HIP1R: variants seen among roughly 807,000 people sequenced by gnomAD.
HIP1R encodes the protein huntingtin interacting protein 1 related, also known as huntingtin-interacting protein 1-related protein.
HIP1R carries 135 observed loss-of-function variants against 144.2 expected under a neutral mutation model. The observed-to-expected ratio is 0.94, with a 90% confidence interval of 0.81 to 1.08. The LOEUF (loss-of-function observed/expected upper bound fraction) is 1.08. Among genes scored for constraint, HIP1R ranks in the 50% least tolerant of loss-of-function variants. HIP1R has a pLI of 0.00. For missense variants in HIP1R, 1,462 were observed against 1,432.8 expected (o/e 1.02, Z -0.33); for synonymous variants, 698 against 612.8 (o/e 1.14, Z -2.05).
chr12:122,849,350 G>T (rs888611971), intron 4 of HIP1R, among the ~76,000 whole-genome samples: 5 of 152,276 alleles, frequency 3.3e-5, no homozygotes, highest in Admixed American at 3.3e-4. Context: ...GCACTGTGGG[G>T]TGCTCGTCTG....
chr12:122,858,969 G>A (rs2033679573), intron 21 of HIP1R, 24 bp downstream of exon 21: 1 of 1,612,078 alleles, frequency 6.2e-7, no homozygotes, highest in South Asian at 1.1e-5. Flanking sequence ...GGGATGGCAG[G>A]TTCTGTCCAC....
Position 122,849,897 on chromosome 12 carries a change from G to C in HIP1R, c.380G>C (p.Gly127Ala), listed in dbSNP as rs2033323673. Residue 127 changes from glycine to alanine, a missense_variant, in exon 5 of 32, where the codon GGA (glycine) becomes GCA (alanine). By Grantham distance (60) the Gly-to-Ala change is moderately conservative (BLOSUM62 0). Around this residue, in one of 2 missense-constraint regions of HIP1R, gnomAD observed 350 missense variants for 421.1 expected, o/e 0.83. Coordinates refer to ENST00000253083, the MANE Select transcript of HIP1R (RefSeq NM_003959.3). ...CAGGGACATTTGCATGACCGCTACG[G>C]ACAGCTGGTGAATGTCTACACCAAG... is the stretch of plus-strand genomic sequence containing the variant. ...DLWGHLHDRY[G>A]QLVNVYTKLL... is the part of the protein sequence containing the mutation. 2 of 1,613,552 alleles carry C rather than the reference G, an allele frequency of 1.2e-6. No individual in the cohort carries two copies.
intron 12 of HIP1R, 23 bp downstream of exon 12, chr12:122,855,635 G>C (rs1593882029): frequency 6.5e-7 from 1 of 1,549,526 alleles, no homozygotes; most frequent in Non-Finnish European, 8.7e-7. Context: ...GGAGCCGACT[G>C]GGCTGGGGGT....
chr12:122,848,372 C>T (rs938786398), intron 2 of HIP1R, 94 bp from the exon 3 acceptor site: 29 of 1,462,872 alleles, frequency 2.0e-5, no homozygotes, highest in Middle Eastern at 1.9e-4. Flanking sequence ...GATTGGGGGC[C>T]GGCCCTCTTC....
chr12:122,859,384 G>GT (rs776080906), intron 22 of HIP1R, 42 bp from the exon 23 acceptor site: 2 of 1,565,348 alleles, frequency 1.3e-6, no homozygotes, highest in South Asian at 1.1e-5. Context: ...GTGGGACGGG[G>GT]GGGGACGGAG....
At position 122,859,846 on chromosome 12, in the gene HIP1R, G is replaced by A; in HGVS notation, c.2465+16G>A. 6.2e-7 allele frequency: 1 copy of A among 1,610,682 alleles called. No individual in the cohort carries two copies. The highest frequency in any genetic ancestry group is 1.1e-5 in the South Asian group (1 of 90,760). On this transcript the variant is annotated intron_variant, in intron 24 of 31. Coordinates refer to ENST00000253083, the MANE Select transcript of HIP1R (RefSeq NM_003959.3). ...TGAACGAGAGGTGAGCCCCCCTTCT[G>A]TCCCCCCAGGCCCAGCCGAGGTGGG...
rs1400069644 is a variant in HIP1R at position 122,835,469 on chromosome 12, C to T, written c.-82C>T. The T allele has an allele frequency of 8.5e-7, 1 of 1,175,094 alleles. No homozygotes were observed. Among genetic ancestry groups the T allele is most frequent in the Non-Finnish European group, 1.1e-6 (1 of 951,096 alleles). The allele number at this position is 1,175,094 out of a possible 1,614,324, so 72.8% of individuals were successfully genotyped here. On this transcript the variant is annotated 5_prime_UTR_variant, in exon 1 of 32. Coordinates refer to ENST00000253083, the MANE Select transcript of HIP1R (RefSeq NM_003959.3). ...GCCCGGGCGCGGCGCGGTGGCCTCG[C>T]GGTGCCTAGGCTGGGGCTGCCGGAC... is the stretch of plus-strand genomic sequence containing the variant.
In HIP1R at chr12:122,835,471, G is replaced by GT. The variant is rs2032853823; in HGVS notation, c.-79dup. On this transcript the variant is annotated 5_prime_UTR_variant, in exon 1 of 32. Transcript: ENST00000253083. The stretch of plus-strand genomic sequence containing the variant: ...CCGGGCGCGGCGCGGTGGCCTCGCG[G>GT]TGCCTAGGCTGGGGCTGCCGGACCG... 1 of 1,183,294 alleles carries GT rather than the reference G, an allele frequency of 8.5e-7. No homozygotes were observed. 73.3% of individuals were successfully genotyped at this position (1,183,294 alleles called of 1,614,324 possible).
At chr12:122,855,773 C>T in intron 12 of HIP1R, 58 bp from the exon 13 acceptor site, 6 of 1,534,546 alleles carry the variant, frequency 3.9e-6, no homozygotes, top group Non-Finnish European at 5.3e-6. Context: ...GGTTCCTGTG[C>T]TGGGTCTGTT....
In HIP1R at chr12:122,861,057, A is replaced by G. The variant is rs761507760; in HGVS notation, c.2890+18A>G. 8 of 1,613,412 alleles carry G rather than the reference A, an allele frequency of 5.0e-6. No individual in the cohort carries two copies. Among genetic ancestry groups the G allele is most frequent in the Middle Eastern group, 1.6e-4 (1 of 6,084 alleles). On this transcript the variant is annotated intron_variant, in intron 29 of 31. Transcript: ENST00000253083. ...GGACAGAGGTGAGTGCCAGATGCCA[A>G]CGGGGGCTGCTGGCTCCCGAGGCTG... is the stretch of plus-strand genomic sequence containing the variant.
At chr12:122,847,990 GC>G (rs919966750) in intron 1 of HIP1R, 40 bp from the exon 2 acceptor site, 25 of 1,604,858 alleles carry the variant, frequency 1.6e-5, no homozygotes, top group Non-Finnish European at 2.1e-5. Flanking sequence ...TCCTGGGGTG[GC>G]TGCCTGGGGC....
At chr12:122,852,303 T>G (rs2033423078) in intron 7 of HIP1R, among the ~76,000 whole-genome samples, 1 of 152,200 alleles carries the variant, frequency 6.6e-6, no homozygotes, top group Non-Finnish European at 1.5e-5. Flanking sequence ...GGGAAGAGCC[T>G]GCTCAGGATC....
chr12:122,855,485 T>A, intron 11 of HIP1R, 66 bp from the exon 12 acceptor site: 3 of 1,547,508 alleles, frequency 1.9e-6, no homozygotes, highest in Non-Finnish European at 2.6e-6. Flanking sequence ...TGGCCAGCCC[T>A]CCCTTTGCCC....
chr12:122,850,234 C>T (rs748779758), intron 5 of HIP1R: 80 of 593,096 alleles, frequency 1.3e-4, no homozygotes, highest in East Asian at 1.8e-4. Flanking sequence ...CTGTGCTGGC[C>T]GGGTGCTCCC....
In HIP1R at chr12:122,862,856, TC is replaced by T. The variant is rs1180730259; in HGVS notation, c.*1104del. 1 of 152,042 alleles carries T rather than the reference TC, an allele frequency of 6.6e-6. No homozygotes were observed. The highest frequency in any genetic ancestry group is 1.5e-5 in the Non-Finnish European group (1 of 67,996). The allele number at this position is 152,042 out of a possible 1,614,324, so 9.4% of individuals were successfully genotyped here. On this transcript the variant is annotated 3_prime_UTR_variant, in exon 32 of 32. Coordinates refer to ENST00000253083, the MANE Select transcript of HIP1R (RefSeq NM_003959.3). ...AAAGGCTACCAAATACTGGCCAAGG[TC>T]AGGAGGAGCAAAAATGAGCCAGCAC...
chr12:122,856,435 G>C lies in HIP1R; in HGVS notation c.1405G>C (p.Ala469Pro). 6.3e-7 allele frequency: 1 copy of C among 1,595,564 alleles called. No individual in the cohort carries two copies. The highest frequency in any genetic ancestry group is 8.5e-7 in the Non-Finnish European group (1 of 1,170,944). The change falls in exon 16 of 32, where the codon GCG (alanine) becomes CCG (proline). Residue 469 changes from alanine (A) to proline (P), a missense_variant. Transcript: ENST00000253083. Reference sequence around the variant, plus strand: ...AGCCCTTCCCCTGCCCATGCAGAACGCGGACACAGCCAAGCAGCTGACGGT... The same window carrying C: ...AGCCCTTCCCCTGCCCATGCAGAACCCGGACACAGCCAAGCAGCTGACGGT... ...HVHAELLRKN[A>P]DTAKQLTVTQ... is the part of the protein sequence containing the mutation.
In HIP1R at chr12:122,840,127, G is replaced by A. The variant is rs568735607; in HGVS notation, c.93+4484G>A. On this transcript the variant is annotated intron_variant, in intron 1 of 31. Coordinates refer to ENST00000253083, the MANE Select transcript of HIP1R (RefSeq NM_003959.3). This position sits in a 1 kb window ranked among gnomAD's most constrained non-coding sequence, Gnocchi z 4.2. ...TCGTGGTGATGCCCGGCAGGCCGCT[G>A]ACTTCCCGACCCCTGGGCTGCATAT... Among the ~76,000 whole-genome samples the A allele has an allele frequency of 6.6e-6, 1 of 152,374 alleles. No homozygotes were observed. The highest frequency in any genetic ancestry group is 2.1e-4 in the South Asian group (1 of 4,834).
Position 122,856,138 on chromosome 12 carries a change from C to G in HIP1R, c.1287C>G (p.Ser429Arg), listed in dbSNP as rs1372067669. Residue 429 changes from serine (S) to arginine (R), a missense_variant, in exon 14 of 32, where the codon AGC becomes AGG. Transcript: ENST00000253083. ...LRAAQLEGER[S>R]QGLREEAERK... ...CTGCCCAGCTGGAGGGCGAGCGGAG[C>G]CAGGGCCTGCGTGAGGAGGCTGAGA... The G allele has an allele frequency of 6.3e-7, 1 of 1,594,146 alleles. No individual in the cohort carries two copies. Among genetic ancestry groups the G allele is most frequent in the Non-Finnish European group, 8.5e-7 (1 of 1,170,874 alleles).
Position 122,848,039 on chromosome 12 carries a change from C to A in HIP1R, c.102C>A (p.Ser34Arg). The change falls in exon 2 of 32, where the codon AGC (serine) becomes AGA (arginine). Residue 34 changes from serine (S) to arginine (R), a missense_variant. Transcript: ENST00000253083. ...TCCTTTGTCCCTCACAGGCCATCAGCATCAGCAAAGCCATCAACACCCAGG... is the reference window on the plus strand; with the variant it reads ...TCCTTTGTCCCTCACAGGCCATCAGAATCAGCAAAGCCATCAACACCCAGG... ...REQFDKTQAISISKAINTQEA... is the reference protein window; with the variant it reads ...REQFDKTQAIRISKAINTQEA... 1 of 1,613,632 alleles carries A rather than the reference C, an allele frequency of 6.2e-7. No individual in the cohort carries two copies. Among genetic ancestry groups the A allele is most frequent in the South Asian group, 1.1e-5 (1 of 91,082 alleles).
Sources: allele counts gnomAD v4.1 joint callset (sites outside exome capture counted in the v4.1 genomes callset), GRCh38; gene constraint gnomAD v4.1.1; regional missense constraint gnomAD v4.1.1; non-coding constraint Gnocchi (gnomAD v3.1); transcripts MANE v1.5; gene names NCBI Gene and HGNC (gene_info 2026-07-23, HGNC 2026-07-21).